The following ADCY3 variants were observed in gnomAD, a reference collection of about 807,000 sequenced individuals.
ADCY3 encodes adenylate cyclase type 3.
In ADCY3, 70 loss-of-function variants were observed where a neutral mutation model predicts 119.4. That is an observed-to-expected ratio of 0.59 (90% CI 0.48 to 0.72). The LOEUF is 0.72. Ranked by LOEUF, ADCY3 falls within the 30% of genes least tolerant of loss-of-function variation. The pLI is 0.00. For synonymous variants in ADCY3, 672 were observed against 621.4 expected (o/e 1.08, Z -1.21); for missense variants, 1,238 against 1,541.6 (o/e 0.80, Z 3.30).
intron 3 of ADCY3, among the ~76,000 whole-genome samples, chr2:24,863,482 TTAA>T (rs1186086282): frequency 2.0e-5 from 3 of 152,184 alleles, no homozygotes; most frequent in Admixed American, 6.5e-5. Flanking sequence ...GAGTCAAAAC[TTAA>T]TAAACTCCCC....
rs758474445 is a variant in ADCY3, at chr2:24,827,975, C to T, written c.2359G>A (p.Val787Met). The change falls in exon 14 of 22, where the codon GTG (valine) becomes ATG (methionine). Residue 787 changes from valine (V) to methionine (M), a missense_variant. Val to Met is a conservative substitution (Grantham distance 21). Coordinates refer to ENST00000679454, the MANE Select transcript of ADCY3 (RefSeq NM_004036.5). ...LTLMLLVAGAVATINLYAWRP... is the reference protein window; with the variant it reads ...LTLMLLVAGAMATINLYAWRP... ...CAGGCATAGAGGTTGATGGTGGCCA[C>T]GGCGCCTGCGACGAGCAGCATGAGC... 6.8e-6 allele frequency: 11 copies of T among 1,614,100 alleles called. No homozygotes were observed. Among genetic ancestry groups the T allele is most frequent in the African/African-American group, 6.7e-5 (5 of 74,936 alleles).
chr2:24,907,359 A>T (rs975124503), intron 2 of ADCY3, among the ~76,000 whole-genome samples: 39 of 152,194 alleles, frequency 2.6e-4, no homozygotes, highest in African/African-American at 9.2e-4. Context: ...AATCTTGCGA[A>T]AGTTCAAGTC....
chr2:24,858,687 C>T (rs953370561), intron 3 of ADCY3, among the ~76,000 whole-genome samples: 1 of 152,256 alleles, frequency 6.6e-6, no homozygotes, highest in African/African-American at 2.4e-5. Context: ...CTACAGTTCT[C>T]CAGCAATTCT....
At position 24,838,552 on chromosome 2, in the gene ADCY3, C is replaced by T; in HGVS notation, c.1426G>A (p.Gly476Ser). 1 of 1,614,154 alleles carries T rather than the reference C, an allele frequency of 6.2e-7. No individual in the cohort carries two copies. Among genetic ancestry groups the T allele is most frequent in the Non-Finnish European group, 8.5e-7 (1 of 1,180,042 alleles). The stretch of plus-strand genomic sequence containing the variant: ...TCTTCTAGGTAATCACAGCGGCTGC[C>T]CCCATCGCCTGGCTCCACATCAAAC... Reference protein sequence around the residue: ...GEFDVEPGDGGSRCDYLEEKG... With the variant: ...GEFDVEPGDGSSRCDYLEEKG... The change falls in exon 8 of 22, where the codon GGC becomes AGC. Residue 476 changes from glycine (G) to serine (S), a missense_variant. Gly to Ser is a moderately conservative substitution (Grantham distance 56). Coordinates refer to ENST00000679454, the MANE Select transcript of ADCY3 (RefSeq NM_004036.5).
intron 3 of ADCY3, among the ~76,000 whole-genome samples, chr2:24,847,235 G>C (rs113732938): frequency 6.6e-6 from 1 of 152,124 alleles, no homozygotes; most frequent in Admixed American, 6.5e-5. Context: ...AGGAGTTTCC[G>C]CTTTTGCTTC....
intron 3 of ADCY3, among the ~76,000 whole-genome samples, chr2:24,869,824 G>A (rs1432032235): frequency 6.6e-6 from 1 of 152,094 alleles, no homozygotes; most frequent in African/African-American, 2.4e-5. Flanking sequence ...GGGCATAACC[G>A]TAATACCAAA....
intron 2 of ADCY3, among the ~76,000 whole-genome samples, chr2:24,910,661 CTTTTT>C (rs59644324): frequency 2.3e-5 from 3 of 131,452 alleles, no homozygotes; most frequent in Admixed American, 7.4e-5. Context: ...CTTTTCTTTT[CTTTTT>C]TTTTTTTTTT....
chr2:24,820,796 G>A lies in ADCY3; in HGVS notation c.3180C>T (p.His1060=). Residue 1060 remains histidine (H), a synonymous_variant, in exon 21 of 22, where the codon CAC becomes CAT. Transcript: ENST00000679454. ...TGACTGTATTGCCCCAGATGTCGTA[G>A]TGTGGTTTCCGGGCTCCGATGACCC... ...LAGVIGARKP[H]YDIWGNTVNV... 6.2e-7 allele frequency: 1 copy of A among 1,614,126 alleles called. No individual in the cohort carries two copies. The highest frequency in any genetic ancestry group is 1.1e-5 in the South Asian group (1 of 91,082).
At chr2:24,880,239 C>A (rs2033654) in intron 2 of ADCY3, among the ~76,000 whole-genome samples, 81,649 of 152,148 alleles carry the variant, frequency 0.54, 24,546 homozygotes, top group African/African-American at 0.83. Context: ...CATGTTAGGC[C>A]AGGTCCCTCA....
chr2:24,851,111 C>A (rs1672240899), intron 3 of ADCY3, among the ~76,000 whole-genome samples: 1 of 152,198 alleles, frequency 6.6e-6, no homozygotes, highest in South Asian at 2.1e-4. Flanking sequence ...CTATCCCTGA[C>A]CTCGGCTTCT....
At position 24,915,427 on chromosome 2, in the gene ADCY3, A is replaced by C. The variant is rs377756477; in HGVS notation, c.675+2886T>G. Among the ~76,000 whole-genome samples the C allele has an allele frequency of 7.1e-3, 1,087 of 152,276 alleles. 9 individuals carry two copies. The highest frequency in any genetic ancestry group is 0.025 in the African/African-American group (1,029 of 41,566). On this transcript the variant is annotated intron_variant, in intron 2 of 21. Coordinates refer to ENST00000679454, the MANE Select transcript of ADCY3 (RefSeq NM_004036.5). ...CGATCCTTGATGGGGCCCACATCCCAGGAGGCAACGGCAGCAGGGGAGATG... is the reference window on the plus strand; with the variant it reads ...CGATCCTTGATGGGGCCCACATCCCCGGAGGCAACGGCAGCAGGGGAGATG...
chr2:24,912,237 T>C (rs1663792604), intron 2 of ADCY3, among the ~76,000 whole-genome samples: 1 of 147,908 alleles, frequency 6.8e-6, no homozygotes, highest in Non-Finnish European at 1.5e-5. Flanking sequence ...CCGAGGTGGG[T>C]GAACCGCCTG....
Position 24,918,946 on chromosome 2 carries a change from G to A in ADCY3, c.42C>T (p.Ala14=), listed in dbSNP as rs778449047. ...NQGFSEPEYS[A]EYSAEYSVSL... ...TGACGGAGTACTCGGCTGAGTACTC[G>A]GCCGAGTATTCGGGCTCGGAGAAGC... The change falls in exon 2 of 22, where the codon GCC becomes GCT. Residue 14 remains alanine, a synonymous_variant. Coordinates refer to ENST00000679454, the MANE Select transcript of ADCY3 (RefSeq NM_004036.5). This position sits in a 1 kb window ranked among gnomAD's most constrained non-coding sequence, Gnocchi z 5.4. 6.2e-7 allele frequency: 1 copy of A among 1,608,520 alleles called. No homozygotes were observed. The highest frequency in any genetic ancestry group is 8.5e-7 in the Non-Finnish European group (1 of 1,178,492).
intron 2 of ADCY3, among the ~76,000 whole-genome samples, chr2:24,900,631 A>G (rs530455254): frequency 1.4e-4 from 22 of 152,260 alleles, no homozygotes; most frequent in Non-Finnish European, 2.6e-4. Flanking sequence ...AGGTCTGGAA[A>G]CCATGTCGCC....
In ADCY3 at chr2:24,878,196, AAAG is replaced by A. The variant is rs1239957304; in HGVS notation, c.676-5480_676-5478del. Among the ~76,000 whole-genome samples, 1 of 152,242 alleles carries A rather than the reference AAAG, an allele frequency of 6.6e-6. No homozygotes were observed. Among genetic ancestry groups the A allele is most frequent in the Non-Finnish European group, 1.5e-5 (1 of 68,042 alleles). ...TCCCAAATGGATAAACACTTGGACTAAAGTGTCATCTAACCCATGACAGCCTGA... is the reference window on the plus strand; with the variant it reads ...TCCCAAATGGATAAACACTTGGACTATGTCATCTAACCCATGACAGCCTGA... On this transcript the variant is annotated intron_variant, in intron 2 of 21. Coordinates refer to ENST00000679454, the MANE Select transcript of ADCY3 (RefSeq NM_004036.5). The surrounding 1 kb of genome is among the most constrained non-coding windows in gnomAD (Gnocchi z 4.0).
Position 24,872,736 on chromosome 2 carries a change from AAG to A in ADCY3, c.676-19_676-18del. 1 of 1,611,036 alleles carries A rather than the reference AAG, an allele frequency of 6.2e-7. No homozygotes were observed. The highest frequency in any genetic ancestry group is 8.5e-7 in the Non-Finnish European group (1 of 1,177,782). ...GGCCAGGATCTGCACCCCAAGGAAG[AAG>A]AGAGAAAAGGCCAGGGGTGAAGGCA... is the stretch of plus-strand genomic sequence containing the variant. On this transcript the variant is annotated intron_variant, in intron 2 of 21. Coordinates refer to ENST00000679454, the MANE Select transcript of ADCY3 (RefSeq NM_004036.5). This position sits in a 1 kb window ranked among gnomAD's most constrained non-coding sequence, Gnocchi z 4.4.
chr2:24,909,919 T>C (rs1663370940), intron 2 of ADCY3, among the ~76,000 whole-genome samples: 1 of 152,222 alleles, frequency 6.6e-6, no homozygotes, highest in South Asian at 2.1e-4. Flanking sequence ...GTGATGAGCC[T>C]AACCTTTAAA....
intron 2 of ADCY3, among the ~76,000 whole-genome samples, chr2:24,882,991 C>A (rs375001756): frequency 1.3e-5 from 2 of 151,222 alleles, no homozygotes; most frequent in East Asian, 3.9e-4. Flanking sequence ...GCCCGGGAGG[C>A]AGAGGTTGCA....
intron 3 of ADCY3, among the ~76,000 whole-genome samples, chr2:24,849,323 T>C (rs763070894): frequency 1.3e-5 from 2 of 152,126 alleles, no homozygotes; most frequent in Non-Finnish European, 2.9e-5. Context: ...CCTCCCGGTA[T>C]GGCTGGGGTC....
Sources: allele counts gnomAD v4.1 joint callset (sites outside exome capture counted in the v4.1 genomes callset), GRCh38; gene constraint gnomAD v4.1.1; non-coding constraint Gnocchi (gnomAD v3.1); transcripts MANE v1.5; gene names NCBI Gene and HGNC (gene_info 2026-07-23, HGNC 2026-07-21).